PKD1L1: variants seen among roughly 807,000 people sequenced by gnomAD.
The protein encoded by PKD1L1 is polycystin-1-like protein 1.
In PKD1L1, 236 loss-of-function variants were observed where a neutral mutation model predicts 323.4. That is an observed-to-expected ratio of 0.73 (90% CI 0.66 to 0.81). The LOEUF (loss-of-function observed/expected upper bound fraction) is 0.81. Among genes scored for constraint, PKD1L1 ranks in the 40% least tolerant of loss-of-function variants. The probability of loss-of-function intolerance (pLI) is 0.00; values close to 1 mark genes in which losing one functional copy is unlikely to be tolerated. For synonymous variants in PKD1L1, 1,344 were observed against 1,335.0 expected (o/e 1.01, Z -0.15); for missense variants, 3,320 against 3,508.0 (o/e 0.95, Z 1.35).
chr7:47,883,147 T>C (rs1000845704), intron 19 of PKD1L1, among the ~76,000 whole-genome samples: 1 of 152,240 alleles, frequency 6.6e-6, no homozygotes, highest in South Asian at 2.1e-4. Context: ...CAGATCTGCG[T>C]GTGTACTGTA....
At chr7:47,951,170 ACTAT>A (rs1788198774), upstream of PKD1L1, among the ~76,000 whole-genome samples, 2 of 152,178 alleles carry the variant, frequency 1.3e-5, no homozygotes, top group South Asian at 4.1e-4. Context: ...TTAAGAAATC[ACTAT>A]CTAAGCTCCT....
At chr7:47,892,539 T>A (rs1254445352) in intron 15 of PKD1L1, among the ~76,000 whole-genome samples, 1 of 152,088 alleles carries the variant, frequency 6.6e-6, no homozygotes, top group East Asian at 1.9e-4. Context: ...TTTAAAAGAA[T>A]CTGTCTCCAA....
chr7:47,867,463 G>A (rs1786191862), intron 24 of PKD1L1, among the ~76,000 whole-genome samples: 1 of 152,102 alleles, frequency 6.6e-6, no homozygotes, highest in South Asian at 2.1e-4. Context: ...ACGACAACAA[G>A]CCAGGAAAAG....
At chr7:47,907,574 C>T (rs1688300888) in intron 9 of PKD1L1, among the ~76,000 whole-genome samples, 1 of 152,154 alleles carries the variant, frequency 6.6e-6, no homozygotes, top group Admixed American at 6.5e-5. Flanking sequence ...TTTTGTCCTT[C>T]ATCAATGCAT....
intron 54 of PKD1L1, among the ~76,000 whole-genome samples, chr7:47,797,434 T>A (rs1010691642): frequency 6.6e-6 from 1 of 152,196 alleles, no homozygotes; most frequent in Non-Finnish European, 1.5e-5. Flanking sequence ...CCTCACAAAA[T>A]TTCAGAACTC....
At position 47,873,670 on chromosome 7, in the gene PKD1L1, AAGAAGG is replaced by A. The variant is rs1270132847; in HGVS notation, c.3896+223_3896+228del. ...GTCTCAAAAAAAAAAAAAAAAAAAA[AAGAAGG>A]AGAAGAAAGTAGCTTTATAGGCTCT... On this transcript the variant is annotated intron_variant, in intron 24 of 56. Coordinates refer to ENST00000289672, the MANE Select transcript of PKD1L1 (RefSeq NM_138295.5). 9.2e-3 allele frequency among the ~76,000 whole-genome samples: 1,306 copies of A among 141,212 alleles called. 34 individuals carry two copies. Among genetic ancestry groups the A allele is most frequent in the South Asian group, 0.013 (60 of 4,492 alleles). 92.6% of individuals were successfully genotyped at this position (141,212 alleles called of 152,430 possible).
chr7:47,932,810 A>C (rs1010838988), intron 4 of PKD1L1, among the ~76,000 whole-genome samples: 1 of 152,208 alleles, frequency 6.6e-6, no homozygotes, highest in Middle Eastern at 3.2e-3. Context: ...CAGCATTATA[A>C]TCATGCATGA....
intron 2 of PKD1L1, 78 bp from the exon 3 acceptor site, chr7:47,940,395 C>G (rs1787961131): frequency 6.7e-7 from 1 of 1,501,530 alleles, no homozygotes; most frequent in Non-Finnish European, 9.0e-7. Flanking sequence ...TGGAGAAGCC[C>G]TAAGTTATAC....
At chr7:47,805,114 C>T (rs894480961) in intron 52 of PKD1L1, among the ~76,000 whole-genome samples, 2 of 145,310 alleles carry the variant, frequency 1.4e-5, no homozygotes, top group African/African-American at 5.2e-5. Flanking sequence ...CACACACACA[C>T]ACACACATTC....
At chr7:47,880,272 A>ATTT (rs1562970478) in intron 21 of PKD1L1, among the ~76,000 whole-genome samples, 6 of 68,634 alleles carry the variant, frequency 8.7e-5, no homozygotes, top group African/African-American at 4.6e-4. Context: ...ATACATATAT[A>ATTT]TATATATATA....
intron 1 of PKD1L1, among the ~76,000 whole-genome samples, chr7:47,945,183 A>C (rs921930013): frequency 3.9e-5 from 6 of 152,210 alleles, no homozygotes; most frequent in African/African-American, 1.4e-4. Flanking sequence ...TATTAGCTAA[A>C]TGCTTGGTAA....
Position 47,813,296 on chromosome 7 carries a change from G to GC in PKD1L1, c.7174-4dup. On this transcript the variant is annotated splice_polypyrimidine_tract_variant and splice_region_variant and intron_variant, in intron 48 of 56. Transcript: ENST00000289672. Reference sequence around the variant, plus strand: ...AGTGCTGAAAATGGCCTGGGAGGCTGCAGAACAAACCAGCAGTCAGAAGAC... The same window carrying GC: ...AGTGCTGAAAATGGCCTGGGAGGCTGCCAGAACAAACCAGCAGTCAGAAGAC... The GC allele has an allele frequency of 6.2e-7, 1 of 1,613,968 alleles. No homozygotes were observed. Among genetic ancestry groups the GC allele is most frequent in the African/African-American group, 1.3e-5 (1 of 75,062 alleles).
intron 6 of PKD1L1, among the ~76,000 whole-genome samples, chr7:47,930,262 T>A (rs1200249618): frequency 2.0e-5 from 3 of 151,686 alleles, no homozygotes; most frequent in Non-Finnish European, 4.4e-5. Flanking sequence ...GCATGTCCCG[T>A]TAAAAAACAC....
In PKD1L1 at chr7:47,792,700, G is replaced by A. The variant is rs766453899; in HGVS notation, c.8453C>T (p.Thr2818Ile). The change falls in exon 56 of 57, where the codon ACA becomes ATA. Residue 2818 changes from threonine to isoleucine, a missense_variant. Physicochemically the swap from Thr to Ile is moderately conservative, Grantham distance 89. Coordinates refer to ENST00000289672, the MANE Select transcript of PKD1L1 (RefSeq NM_138295.5). ...DSLQLPLLEK[T>I]SNNTGEARTE... ...CCTTGCCTCCCCTGTGTTGTTGGAT[G>A]TTTTTTCCAGAAGGGGGAGTTGTAG... 1.2e-5 allele frequency: 20 copies of A among 1,613,962 alleles called. No individual in the cohort carries two copies. The highest frequency in any genetic ancestry group is 1.6e-5 in the Non-Finnish European group (19 of 1,179,958).
chr7:47,953,541 C>T, the PKD1L1 span, among the ~76,000 whole-genome samples: 1 of 152,342 alleles, frequency 6.6e-6, no homozygotes, highest in South Asian at 2.1e-4. Flanking sequence ...TGAGTTGGAG[C>T]ACCACTGTTT....
chr7:47,793,155 TA>T (rs1218916280), intron 55 of PKD1L1, among the ~76,000 whole-genome samples: 1 of 151,930 alleles, frequency 6.6e-6, no homozygotes, highest in African/African-American at 2.4e-5. Flanking sequence ...TGAGCACTAT[TA>T]AAAAAATAAG....
chr7:47,931,317 T>C lies in PKD1L1; in HGVS notation c.524A>G (p.Gln175Arg). ...GGGAGCTGCTGCAGAAGTGGTGCCC[T>C]GGAGCTTAAAAGTTTAAGAACAGTT... is the stretch of plus-strand genomic sequence containing the variant. ...DSTFSALLQL[Q>R]GTTSAAAPCS... The change falls in exon 6 of 57, where the codon CAG (glutamine) becomes CGG (arginine). Residue 175 changes from glutamine to arginine, a missense_variant. Coordinates refer to ENST00000289672, the MANE Select transcript of PKD1L1 (RefSeq NM_138295.5). 3 of 1,614,172 alleles carry C rather than the reference T, an allele frequency of 1.9e-6. No individual in the cohort carries two copies. Among genetic ancestry groups the C allele is most frequent in the Non-Finnish European group, 2.5e-6 (3 of 1,180,034 alleles).
rs376602654 is a variant in PKD1L1, at chr7:47,905,861, C to G, written c.1504G>C (p.Val502Leu). ...GDSQAWHSMT[V>L]WYKMQSVSVY... ...GACATACATTGCATCTTATACCAGA[C>G]AGTCATGCTGTGCCAAGCCTGGCTG... Residue 502 changes from valine (V) to leucine (L), a missense_variant, in exon 10 of 57, where the codon GTC (valine) becomes CTC (leucine). Transcript: ENST00000289672. 7.4e-6 allele frequency: 12 copies of G among 1,612,846 alleles called. No individual in the cohort carries two copies. Among genetic ancestry groups the G allele is most frequent in the Non-Finnish European group, 8.5e-6 (10 of 1,179,848 alleles).
chr7:47,822,187 T>C (rs1021109784), intron 45 of PKD1L1, among the ~76,000 whole-genome samples: 9 of 152,238 alleles, frequency 5.9e-5, no homozygotes, highest in African/African-American at 1.9e-4. Flanking sequence ...ATTCAGATAG[T>C]GTGCGTCCTC....
Sources: gnomAD v4.1 joint callset for allele counts (sites outside exome capture counted in the v4.1 genomes callset) on GRCh38, gnomAD v4.1.1 for gene constraint, MANE v1.5 for transcripts, NCBI Gene and HGNC (gene_info 2026-07-23, HGNC 2026-07-21) for gene names.